ALPK2: variants seen among roughly 807,000 people sequenced by gnomAD.
ALPK2 encodes alpha-protein kinase 2.
ALPK2 carries 127 observed loss-of-function variants against 163.1 expected under a neutral mutation model. The ratio of observed to expected loss-of-function variants is 0.78; its 90% CI spans 0.67 to 0.90. The LOEUF (loss-of-function observed/expected upper bound fraction) is 0.90, where lower values mean the gene tolerates loss of function less well. Among genes scored for constraint, ALPK2 ranks in the 40% least tolerant of loss-of-function variants. The pLI is 0.00. For missense variants in ALPK2, 2,360 were observed against 2,589.6 expected, an observed-to-expected ratio of 0.91 and a Z score of 1.92; for synonymous variants, 953 against 959.1, an observed-to-expected ratio of 0.99 and a Z score of 0.12.
intron 11 of ALPK2, among the ~76,000 whole-genome samples, chr18:58,500,238 GA>G (rs10570591): frequency 0.29 from 32,692 of 114,296 alleles, 3,966 homozygotes; most frequent in South Asian, 0.49. Flanking sequence ...ACTATGCTTT[GA>G]AAAAAAAAAA....
chr18:58,536,964 T>G lies in ALPK2; in HGVS notation c.3223A>C (p.Arg1075=). ...GGGACTCCTGGCACACTGGGTGCCC[T>G]GCAAAGTAGCTCTTTTGTAGATTTG... ...TIKSTKELLC[R]APSVPGVPHH... The change falls in exon 5 of 13, where the codon AGG becomes CGG. Residue 1075 remains arginine (R), a synonymous_variant. Coordinates refer to ENST00000361673, the MANE Select transcript of ALPK2 (RefSeq NM_052947.4). 2 of 1,614,212 alleles carry G rather than the reference T, an allele frequency of 1.2e-6. No homozygotes were observed. Among genetic ancestry groups the G allele is most frequent in the Non-Finnish European group, 1.7e-6 (2 of 1,180,020 alleles).
In ALPK2 at chr18:58,536,468, G is replaced by T. The variant is rs1162498106; in HGVS notation, c.3719C>A (p.Thr1240Asn). ...GATTTCAGAAGCGGAAGCCTCTAGA[G>T]TTATAATCTTCAGCTTGTTGCCTGC... ...WEAGNKLKII[T>N]LEASASEIWP... is the part of the protein sequence containing the mutation. The change falls in exon 5 of 13, where the codon ACT (threonine) becomes AAT (asparagine). Residue 1240 changes from threonine to asparagine, a missense_variant. By Grantham distance (65) the Thr-to-Asn change is moderately conservative. Transcript: ENST00000361673. The T allele has an allele frequency of 6.2e-7, 1 of 1,614,054 alleles. No individual in the cohort carries two copies. The highest frequency in any genetic ancestry group is 1.1e-5 in the South Asian group (1 of 91,076).
Position 58,494,821 on chromosome 18 carries a change from T to C in ALPK2, c.6296+3228A>G, listed in dbSNP as rs1465104366. On this transcript the variant is annotated intron_variant, in intron 12 of 12. Transcript: ENST00000361673. ...TCCTTTCTTCCCCAGCTCATTTGCCTCCCACCTGGACTTTCCTGTCTGCAG... is the reference window on the plus strand; with the variant it reads ...TCCTTTCTTCCCCAGCTCATTTGCCCCCCACCTGGACTTTCCTGTCTGCAG... 3.9e-5 allele frequency among the ~76,000 whole-genome samples: 6 copies of C among 152,338 alleles called. No individual in the cohort carries two copies. In the South Asian group the frequency reaches 6.2e-4, roughly 16 times the overall value.
intron 1 of ALPK2, among the ~76,000 whole-genome samples, chr18:58,626,572 C>T (rs1023855603): frequency 1.3e-5 from 2 of 152,052 alleles, no homozygotes; most frequent in Admixed American, 6.6e-5. Context: ...GATTCCCAAA[C>T]ACTCATATTT....
In ALPK2 at chr18:58,481,775, G is replaced by C. The variant is rs769392146; in HGVS notation, c.*48C>G. ...CCTGTGTGGCCTCAGATTTTCCCTG[G>C]CGAGATTGTGTGCTGCTAGCCAGTG... On this transcript the variant is annotated 3_prime_UTR_variant, in exon 13 of 13. Transcript: ENST00000361673. 6.7e-7 allele frequency: 1 copy of C among 1,486,754 alleles called. No individual in the cohort carries two copies. The highest frequency in any genetic ancestry group is 9.4e-7 in the Non-Finnish European group (1 of 1,067,750). The allele number at this position is 1,486,754 out of a possible 1,614,324, so 92.1% of individuals were successfully genotyped here.
chr18:58,597,229 G>T (rs2052045623), intron 3 of ALPK2, among the ~76,000 whole-genome samples: 1 of 152,166 alleles, frequency 6.6e-6, no homozygotes, highest in Admixed American at 6.5e-5. Context: ...GGTGGAGGTT[G>T]CAGTGAGCTG....
Position 58,481,934 on chromosome 18 carries a change from T to C in ALPK2, c.6402A>G (p.Gln2134=). The change falls in exon 13 of 13, where the codon CAA becomes CAG. Residue 2134 remains glutamine (Q), a synonymous_variant. Coordinates refer to ENST00000361673, the MANE Select transcript of ALPK2 (RefSeq NM_052947.4). ...YCKMLGLKSL[Q]NNNQKQKQPS... is the part of the protein sequence containing the mutation. ...GCTGCTTCTGTTTCTGGTTGTTGTT[T>C]TGAAGGGATTTCAGTCCCAGCATTT... The C allele has an allele frequency of 1.2e-6, 2 of 1,614,222 alleles. No homozygotes were observed. The highest frequency in any genetic ancestry group is 8.5e-7 in the Non-Finnish European group (1 of 1,180,032).
At chr18:58,578,733 G>GACACACACACGCGCGCACGCGCACGC (rs777103869) in intron 4 of ALPK2, 81 bp downstream of exon 4, 2 of 533,296 alleles carry the variant, frequency 3.8e-6, no homozygotes, top group African/African-American at 4.5e-5. Flanking sequence ...TAAAGGAAGA[G>GACACACACACGCGCGCACGCGCACGC]ACACACACAC....
At chr18:58,612,432 G>T (rs2052137804) in intron 1 of ALPK2, among the ~76,000 whole-genome samples, 1 of 152,210 alleles carries the variant, frequency 6.6e-6, no homozygotes, top group South Asian at 2.1e-4. Flanking sequence ...GGGAAGGCAG[G>T]CACTAAACAC....
chr18:58,521,437 A>C (rs1395343689), intron 8 of ALPK2, among the ~76,000 whole-genome samples: 3 of 151,952 alleles, frequency 2.0e-5, no homozygotes, highest in African/African-American at 7.3e-5. Context: ...TCTTTTGCAT[A>C]TTTTGCCTTC....
chr18:58,621,862 G>T (rs561751105), intron 1 of ALPK2, among the ~76,000 whole-genome samples: 38 of 152,218 alleles, frequency 2.5e-4, no homozygotes, highest in African/African-American at 8.2e-4. Flanking sequence ...ACAGTGTGTT[G>T]GGTGCACAAT....
intron 4 of ALPK2, among the ~76,000 whole-genome samples, chr18:58,572,817 C>G (rs1200272434): frequency 6.6e-6 from 1 of 152,090 alleles, no homozygotes; most frequent in African/African-American, 2.4e-5. Context: ...GATACAGGAA[C>G]CTACGTAGGT....
intron 8 of ALPK2, among the ~76,000 whole-genome samples, chr18:58,521,371 C>T (rs772347298): frequency 6.6e-6 from 1 of 152,186 alleles, no homozygotes; most frequent in Non-Finnish European, 1.5e-5. Flanking sequence ...GCTGATGAAA[C>T]AGAGACTCCC....
chr18:58,523,929 G>T lies in ALPK2; in HGVS notation c.5629+6C>A, dbSNP rs1568073944. On this transcript the variant is annotated splice_donor_region_variant and intron_variant, in intron 7 of 12. Transcript: ENST00000361673. ...CAGTGGTTTTTCATTGAAAACTGTG[G>T]TTTACCTTCAGCTGTGAGGTTAAAT... is the stretch of plus-strand genomic sequence containing the variant. The T allele has an allele frequency of 1.2e-6, 2 of 1,614,030 alleles. No homozygotes were observed. Among genetic ancestry groups the T allele is most frequent in the Admixed American group, 3.3e-5 (2 of 60,006 alleles).
At chr18:58,591,711 C>T (rs550170163) in intron 3 of ALPK2, among the ~76,000 whole-genome samples, 1 of 152,230 alleles carries the variant, frequency 6.6e-6, no homozygotes, top group African/African-American at 2.4e-5. Context: ...AAGCTTCAGG[C>T]CCTCCCAGGA....
At chr18:58,595,261 C>T (rs796611572) in intron 3 of ALPK2, among the ~76,000 whole-genome samples, 43 of 152,302 alleles carry the variant, frequency 2.8e-4, no homozygotes, top group African/African-American at 9.9e-4. Context: ...TTACATAGTT[C>T]CTGGTGTGTT....
chr18:58,537,439 A>T lies in ALPK2; in HGVS notation c.2748T>A (p.Asn916Lys), dbSNP rs4940404. ...CTGTGGAGGCCAGTGGGTAGGTGGA[A>T]TTCTCCACCTTGGCTAGATTTTCTC... is the stretch of plus-strand genomic sequence containing the variant. ...ATGENLAKVENSTYPLASTVH... is the reference protein window; with the variant it reads ...ATGENLAKVEKSTYPLASTVH... Residue 916 changes from asparagine to lysine, a missense_variant, in exon 5 of 13, where the codon AAT (asparagine) becomes AAA (lysine). Transcript: ENST00000361673. 0.52 allele frequency: 840,004 copies of T among 1,612,538 alleles called. 223,507 individuals carry two copies. The highest frequency in any genetic ancestry group is 0.56 in the Non-Finnish European group (654,582 of 1,179,074).
chr18:58,519,651 A>G (rs1421190659), intron 8 of ALPK2, among the ~76,000 whole-genome samples: 1 of 152,196 alleles, frequency 6.6e-6, no homozygotes, highest in Non-Finnish European at 1.5e-5. Context: ...AGATAAAAAC[A>G]TGAAAGAAAA....
chr18:58,599,505 A>G (rs1180685214), intron 3 of ALPK2, among the ~76,000 whole-genome samples: 1 of 152,244 alleles, frequency 6.6e-6, no homozygotes, highest in African/African-American at 2.4e-5. Context: ...CCAACCTTGG[A>G]TGAAATGCAT....
Sources: allele counts gnomAD v4.1 joint callset (sites outside exome capture counted in the v4.1 genomes callset), GRCh38; gene constraint gnomAD v4.1.1; transcripts MANE v1.5; gene names NCBI Gene and HGNC (gene_info 2026-07-23, HGNC 2026-07-21).